Variants in KLHDC1 observed in about 807,000 individuals in gnomAD.
KLHDC1 encodes kelch domain-containing protein 1.
A neutral mutation model predicts 68.3 loss-of-function variants in KLHDC1; 53 were observed. That is an observed-to-expected ratio of 0.78 (90% CI 0.62 to 0.98). The LOEUF is 0.98. Ranked by LOEUF, KLHDC1 falls within the 50% of genes least tolerant of loss-of-function variation. The probability of loss-of-function intolerance (pLI) is 0.00; values close to 1 mark genes in which losing one functional copy is unlikely to be tolerated. For synonymous variants in KLHDC1, 148 were observed against 159.0 expected, an observed-to-expected ratio of 0.93 and a Z score of 0.52; for missense variants, 470 against 492.3, an observed-to-expected ratio of 0.95 and a Z score of 0.43.
intron 4 of KLHDC1, among the ~76,000 whole-genome samples, chr14:49,718,907 T>A (rs1200950870): frequency 6.7e-6 from 1 of 149,670 alleles, no homozygotes; most frequent in Non-Finnish European, 1.5e-5. Flanking sequence ...CTCCCAAGTA[T>A]CTGGGATTAC....
chr14:49,693,737 C>CTTTTTTTTTTTTTT (rs1231296893), intron 1 of KLHDC1, among the ~76,000 whole-genome samples: 1 of 111,878 alleles, frequency 8.9e-6, no homozygotes, highest in Non-Finnish European at 1.9e-5. Flanking sequence ...TATTTATTTT[C>CTTTTTTTTTTTTTT]TTTTCTTTTT....
intron 4 of KLHDC1, among the ~76,000 whole-genome samples, chr14:49,720,922 A>T (rs1888509309): frequency 6.6e-6 from 1 of 152,246 alleles, no homozygotes; most frequent in Middle Eastern, 3.4e-3. Flanking sequence ...TATATAATGA[A>T]TTCTTTAGTT....
chr14:49,730,378 C>T (rs940588492), intron 8 of KLHDC1, among the ~76,000 whole-genome samples: 21 of 151,956 alleles, frequency 1.4e-4, no homozygotes, highest in African/African-American at 4.1e-4. Context: ...CGCACCACCA[C>T]GCCCAGCTAA....
intron 10 of KLHDC1, among the ~76,000 whole-genome samples, chr14:49,735,003 G>A (rs181014294): frequency 1.5e-3 from 222 of 152,050 alleles, no homozygotes; most frequent in African/African-American, 5.0e-3. Context: ...GACAAAAATG[G>A]GGTTGGCTTT....
chr14:49,717,196 T>A (rs946824891), intron 4 of KLHDC1, among the ~76,000 whole-genome samples: 6 of 152,228 alleles, frequency 3.9e-5, no homozygotes, highest in African/African-American at 1.4e-4. Flanking sequence ...CTTTGTGTGA[T>A]TCAGTTTTCA....
At position 49,750,679 on chromosome 14, in the gene KLHDC1, GA is replaced by G. The variant is rs766179231; in HGVS notation, c.1035-904del. Among the ~76,000 whole-genome samples the G allele has an allele frequency of 2.3e-4, 35 of 152,150 alleles. 1 individual carries two copies. The highest frequency in any genetic ancestry group is 1.1e-3 in the Admixed American group (17 of 15,266). ...TTTTTTGAATTAAAGTTTATTAATT[GA>G]AACAGATGCTTTTTTGATAGTTCTT... On this transcript the variant is annotated intron_variant, in intron 12 of 12. Coordinates refer to ENST00000359332, the MANE Select transcript of KLHDC1 (RefSeq NM_172193.3).
chr14:49,749,932 CACCT>C (rs1889286526), intron 12 of KLHDC1, among the ~76,000 whole-genome samples: 3 of 152,108 alleles, frequency 2.0e-5, no homozygotes, highest in Admixed American at 6.6e-5. Flanking sequence ...GTGTGGCACA[CACCT>C]GTAATAACAG....
intron 1 of KLHDC1, among the ~76,000 whole-genome samples, chr14:49,693,820 C>T (rs1426401759): frequency 7.3e-6 from 1 of 136,574 alleles, no homozygotes; most frequent in Admixed American, 7.9e-5. Flanking sequence ...ACGATCTCAG[C>T]TCACCGCAAC....
Position 49,710,338 on chromosome 14 carries a change from C to T in KLHDC1, c.361C>T (p.Pro121Ser). ...AATCACCGACTTTGAAGGGCAACCA[C>T]CTACACCACGTGATAAACTTTCCTG... ...EKITDFEGQP[P>S]TPRDKLSCWV... The change falls in exon 4 of 13, where the codon CCT becomes TCT. Residue 121 changes from proline to serine, a missense_variant. Pro to Ser is a moderately conservative substitution (Grantham distance 74, BLOSUM62 -1). Transcript: ENST00000359332. 6.2e-7 allele frequency: 1 copy of T among 1,611,412 alleles called. No homozygotes were observed. The highest frequency in any genetic ancestry group is 8.5e-7 in the Non-Finnish European group (1 of 1,177,800).
chr14:49,702,367 T>G (rs191671733), intron 1 of KLHDC1, among the ~76,000 whole-genome samples: 28 of 152,158 alleles, frequency 1.8e-4, no homozygotes, highest in African/African-American at 6.5e-4. Flanking sequence ...ACACTGGTAA[T>G]AAGAGTACAA....
chr14:49,694,797 T>G (rs1402359437), intron 1 of KLHDC1, among the ~76,000 whole-genome samples: 1 of 152,144 alleles, frequency 6.6e-6, no homozygotes, highest in Non-Finnish European at 1.5e-5. Flanking sequence ...GAGGTTGCAG[T>G]AAGCCAAGAT....
At chr14:49,740,044 T>G (rs1336100192) in intron 10 of KLHDC1, 54 bp from the exon 11 acceptor site, 1 of 936,762 alleles carries the variant, frequency 1.1e-6, no homozygotes, top group East Asian at 2.5e-5. Flanking sequence ...TTATATATAA[T>G]GTACAGTTTC....
intron 10 of KLHDC1, among the ~76,000 whole-genome samples, chr14:49,739,442 A>G (rs1305125098): frequency 1.3e-5 from 2 of 152,206 alleles, no homozygotes; most frequent in East Asian, 1.9e-4. Context: ...TATTAGCCAT[A>G]TGTAGCTGAG....
chr14:49,716,797 C>G (rs1443634354), intron 4 of KLHDC1, among the ~76,000 whole-genome samples: 1 of 152,056 alleles, frequency 6.6e-6, no homozygotes, highest in Non-Finnish European at 1.5e-5. Context: ...GTTGTGCAAC[C>G]ATCACCAGTA....
intron 11 of KLHDC1, among the ~76,000 whole-genome samples, chr14:49,742,916 C>G: frequency 6.6e-6 from 1 of 151,558 alleles, no homozygotes; most frequent in East Asian, 1.9e-4. Context: ...GAAACCCTGT[C>G]TCTACACCAG....
intron 4 of KLHDC1, among the ~76,000 whole-genome samples, chr14:49,717,954 G>A (rs1217149950): frequency 6.6e-6 from 1 of 152,042 alleles, no homozygotes; most frequent in African/African-American, 2.4e-5. Context: ...TGCTTTCATG[G>A]CTTACTGCAG....
rs556480098 is a variant in KLHDC1, at chr14:49,727,299, G to A, written c.567+1530G>A. Among the ~76,000 whole-genome samples, 12 of 152,104 alleles carry A rather than the reference G, an allele frequency of 7.9e-5. No homozygotes were observed. The East Asian group carries it at 1.7e-3, about 22-fold the overall frequency. ...AGAAAAGGACTCTGCCTCTACTTGG[G>A]CATGTTCCTACCCTTTACAGCAATT... On this transcript the variant is annotated intron_variant, in intron 6 of 12. Coordinates refer to ENST00000359332, the MANE Select transcript of KLHDC1 (RefSeq NM_172193.3).
intron 1 of KLHDC1, among the ~76,000 whole-genome samples, chr14:49,703,445 T>C (rs1457929883): frequency 1.3e-5 from 2 of 151,926 alleles, no homozygotes; most frequent in African/African-American, 4.8e-5. Context: ...TGGGTTCAAG[T>C]GATCCTCCTG....
chr14:49,693,514 GCCTCTTACCACTCTCCGCC>G (rs771615633), intron 1 of KLHDC1, among the ~76,000 whole-genome samples: 1 of 151,674 alleles, frequency 6.6e-6, no homozygotes, highest in Non-Finnish European at 1.5e-5. Context: ...CCGGCTCCGG[GCCTCTTACCACTCTCCGCC>G]CCTCTTTGCC....
Sources: allele counts gnomAD v4.1 joint callset (sites outside exome capture counted in the v4.1 genomes callset), GRCh38; gene constraint gnomAD v4.1.1; transcripts MANE v1.5; gene names NCBI Gene and HGNC (gene_info 2026-07-23, HGNC 2026-07-21).